Variants in RAB8B observed in about 807,000 individuals in gnomAD.
RAB8B encodes the protein RAB8B, member RAS oncogene family, also known as ras-related protein Rab-8B.
A neutral mutation model predicts 32.0 loss-of-function variants in RAB8B; 11 were observed. The ratio of observed to expected loss-of-function variants is 0.34; its 90% CI spans 0.22 to 0.57. The LOEUF (loss-of-function observed/expected upper bound fraction) is 0.57, where lower values mean the gene tolerates loss of function less well. RAB8B is among the 20% of genes least tolerant of loss of function. The probability of loss-of-function intolerance (pLI) is 0.86; values close to 1 mark genes in which losing one functional copy is unlikely to be tolerated. For synonymous variants in RAB8B, 103 were observed against 89.6 expected, an observed-to-expected ratio of 1.15 and a Z score of -0.85; for missense variants, 190 against 258.5, an observed-to-expected ratio of 0.73 and a Z score of 1.82.
chr15:63,207,295 G>A (rs752522422), intron 1 of RAB8B, among the ~76,000 whole-genome samples: 9 of 152,136 alleles, frequency 5.9e-5, no homozygotes, highest in Non-Finnish European at 8.8e-5. Flanking sequence ...TGCGGGGCAC[G>A]TATAAGTGCT....
intron 7 of RAB8B, 57 bp downstream of exon 7, chr15:63,262,799 A>G (rs1269753352): frequency 1.2e-6 from 1 of 848,544 alleles, no homozygotes; most frequent in Non-Finnish European, 1.7e-6. Context: ...CATTTGATGA[A>G]AAGGATAGGT....
chr15:63,192,695 G>A (rs540051000), intron 1 of RAB8B, among the ~76,000 whole-genome samples: 30 of 152,246 alleles, frequency 2.0e-4, no homozygotes, highest in African/African-American at 7.0e-4. Flanking sequence ...GCCATCTTTC[G>A]ACACTGTTTT....
chr15:63,254,776 G>A (rs1399269479), intron 3 of RAB8B, among the ~76,000 whole-genome samples: 1 of 152,086 alleles, frequency 6.6e-6, no homozygotes, highest in Admixed American at 6.5e-5. Context: ...GCTGTGTGTG[G>A]TGGCGGGCGC....
intron 3 of RAB8B, among the ~76,000 whole-genome samples, chr15:63,254,594 C>T (rs1248959997): frequency 6.6e-6 from 1 of 152,000 alleles, no homozygotes; most frequent in Non-Finnish European, 1.5e-5. Flanking sequence ...TTAGTTTAAA[C>T]ATTTGGAAGG....
chr15:63,227,432 GTTAGTAAC>G (rs56812465), intron 1 of RAB8B, among the ~76,000 whole-genome samples: 23,117 of 152,048 alleles, frequency 0.15, 2,117 homozygotes, highest in East Asian at 0.46. Flanking sequence ...TGTTTTTCGT[GTTAGTAAC>G]TTAGGGTTAC....
rs543222067 is a variant in RAB8B at position 63,206,545 on chromosome 15, C to T, written c.124+16797C>T. 3.9e-5 allele frequency among the ~76,000 whole-genome samples: 6 copies of T among 152,202 alleles called. No individual in the cohort carries two copies. The South Asian group carries it at 1.2e-3, about 32-fold the overall frequency. ...TCTTTCGCCCTTCTCTCCAAGGAGC[C>T]AGTGCTAACCTGTTGGTTGGTATGC... On this transcript the variant is annotated intron_variant, in intron 1 of 7. Coordinates refer to ENST00000321437, the MANE Select transcript of RAB8B (RefSeq NM_016530.3).
chr15:63,203,712 C>T (rs77612485), intron 1 of RAB8B, among the ~76,000 whole-genome samples: 4,742 of 152,272 alleles, frequency 0.031, 115 homozygotes, highest in Non-Finnish European at 0.046. Context: ...AGTTGTGTTC[C>T]GTTATCCCTA....
intron 1 of RAB8B, among the ~76,000 whole-genome samples, chr15:63,222,187 C>G (rs1367116845): frequency 1.3e-5 from 2 of 152,138 alleles, no homozygotes; most frequent in Non-Finnish European, 2.9e-5. Context: ...GGCTTTAGTT[C>G]TCACTGGACA....
chr15:63,242,980 C>T (rs190159508), intron 1 of RAB8B, among the ~76,000 whole-genome samples: 182 of 152,218 alleles, frequency 1.2e-3, no homozygotes, highest in African/African-American at 4.1e-3. Context: ...TACAACTCAC[C>T]AATGTAGAAT....
chr15:63,196,957 G>T (rs2037605672), intron 1 of RAB8B, among the ~76,000 whole-genome samples: 1 of 152,106 alleles, frequency 6.6e-6, no homozygotes, highest in African/African-American at 2.4e-5. Context: ...TGCATTATAA[G>T]AGCCATTTCA....
In RAB8B at chr15:63,248,314, C is replaced by A. The variant is rs973171956; in HGVS notation, c.186-1331C>A. ...AGATCACAAGGTCAGGAGTTTGAGA[C>A]CAGCCTGGTTAATATGGTGAAACCC... On this transcript the variant is annotated intron_variant, in intron 2 of 7. Coordinates refer to ENST00000321437, the MANE Select transcript of RAB8B (RefSeq NM_016530.3). The surrounding 1 kb of genome is among the most constrained non-coding windows in gnomAD (Gnocchi z 4.4). Among the ~76,000 whole-genome samples the A allele has an allele frequency of 1.3e-5, 2 of 152,114 alleles. No individual in the cohort carries two copies. Among genetic ancestry groups the A allele is most frequent in the Non-Finnish European group, 2.9e-5 (2 of 68,024 alleles).
chr15:63,196,518 C>G (rs929972855), intron 1 of RAB8B, among the ~76,000 whole-genome samples: 6 of 152,162 alleles, frequency 3.9e-5, no homozygotes, highest in African/African-American at 1.4e-4. Context: ...CTGTGTCTAC[C>G]TTTCAGAGTT....
intron 1 of RAB8B, among the ~76,000 whole-genome samples, chr15:63,214,471 C>T (rs1827416): frequency 0.95 from 144,743 of 151,656 alleles, 69,130 homozygotes; most frequent in East Asian, 1. Flanking sequence ...TTTGTATTTT[C>T]AGTAGAGACG....
chr15:63,235,265 G>A (rs2037968678), intron 1 of RAB8B, among the ~76,000 whole-genome samples: 1 of 152,076 alleles, frequency 6.6e-6, no homozygotes, highest in Non-Finnish European at 1.5e-5. Flanking sequence ...GGGCTACCAA[G>A]GGCTCACAGG....
chr15:63,222,530 G>T (rs2037853037), intron 1 of RAB8B, among the ~76,000 whole-genome samples: 1 of 152,100 alleles, frequency 6.6e-6, no homozygotes, highest in Non-Finnish European at 1.5e-5. Context: ...TGATGATGAT[G>T]ATAATGATGA....
intron 1 of RAB8B, chr15:63,223,963 T>C (rs938998438): frequency 2.5e-5 from 8 of 320,970 alleles, no homozygotes; most frequent in African/African-American, 1.3e-4. Context: ...CTGTCACTTA[T>C]AGCACTGTGG....
At chr15:63,228,305 C>G (rs1050294248) in intron 1 of RAB8B, among the ~76,000 whole-genome samples, 1 of 152,158 alleles carries the variant, frequency 6.6e-6, no homozygotes, top group South Asian at 2.1e-4. Context: ...TGTGAGCTAC[C>G]GAACCCTGCC....
chr15:63,241,349 A>C (rs2038030476), intron 1 of RAB8B, among the ~76,000 whole-genome samples: 1 of 152,248 alleles, frequency 6.6e-6, no homozygotes, highest in Non-Finnish European at 1.5e-5. Context: ...ACCCATCTCA[A>C]AAAAAATAAG....
chr15:63,246,645 T>G (rs895285315), intron 2 of RAB8B, among the ~76,000 whole-genome samples: 3 of 152,138 alleles, frequency 2.0e-5, no homozygotes, highest in Non-Finnish European at 2.9e-5. Flanking sequence ...CCTGAAGCTC[T>G]CCAAACCCAG....
Sources: allele counts gnomAD v4.1 joint callset (sites outside exome capture counted in the v4.1 genomes callset), GRCh38; gene constraint gnomAD v4.1.1; non-coding constraint Gnocchi (gnomAD v3.1); transcripts MANE v1.5; gene names NCBI Gene and HGNC (gene_info 2026-07-23, HGNC 2026-07-21).